ST14: variants seen among roughly 807,000 people sequenced by gnomAD.
ST14 encodes ST14 transmembrane serine protease matriptase.
Under a neutral mutation model 96.5 loss-of-function variants are expected in ST14, and 40 were observed. The observed-to-expected ratio is 0.41, with a 90% CI of 0.32 to 0.54. ST14 has a LOEUF of 0.54. Among genes scored for constraint, ST14 ranks in the 20% least tolerant of loss-of-function variants. ST14 has a pLI of 0.17. For missense variants in ST14, 1,066 were observed against 1,188.9 expected (o/e 0.90, Z 1.52); for synonymous variants, 506 against 492.1 (o/e 1.03, Z -0.37).
chr11:130,207,381 T>G (rs1482909402), intron 16 of ST14, among the ~76,000 whole-genome samples: 1 of 152,128 alleles, frequency 6.6e-6, no homozygotes, highest in Non-Finnish European at 1.5e-5. Flanking sequence ...CGAAACCCCG[T>G]TTCCACTAAA....
chr11:130,208,913 T>G (rs895259173), intron 17 of ST14, among the ~76,000 whole-genome samples: 6 of 152,196 alleles, frequency 3.9e-5, no homozygotes, highest in Non-Finnish European at 7.3e-5. Context: ...CTGAGTGACC[T>G]TGAGCGAGTT....
At position 130,188,141 on chromosome 11, in the gene ST14, G is replaced by A; in HGVS notation, c.109G>A (p.Glu37Lys). The part of the protein sequence containing the change: ...EKVNGLEEGV[E>K]FLPVNNVKKV... ...AGTGAATGGCTTGGAGGAAGGCGTG[G>A]AGTTCCTGCCAGTCAACAACGTCAA... Residue 37 changes from glutamate to lysine, a missense_variant, in exon 2 of 19, where the codon GAG (glutamate) becomes AAG (lysine). Coordinates refer to ENST00000278742, the MANE Select transcript of ST14 (RefSeq NM_021978.4). The surrounding 1 kb of genome is among the most constrained non-coding windows in gnomAD (Gnocchi z 5.4). 1.2e-6 allele frequency: 2 copies of A among 1,614,210 alleles called. No individual in the cohort carries two copies. Among genetic ancestry groups the A allele is most frequent in the African/African-American group, 1.3e-5 (1 of 75,068 alleles).
chr11:130,173,123 C>T (rs1317599088), intron 1 of ST14, among the ~76,000 whole-genome samples: 1 of 152,126 alleles, frequency 6.6e-6, no homozygotes, highest in Non-Finnish European at 1.5e-5. Context: ...GGGTTAATAA[C>T]CACTTACGGC....
chr11:130,209,887 C>T lies in ST14; in HGVS notation c.*64C>T, dbSNP rs1463998639. The T allele has an allele frequency of 4.4e-6, 7 of 1,590,026 alleles. No individual in the cohort carries two copies. In the African/African-American group the frequency reaches 6.7e-5, roughly 15 times the overall value. ...CCCATCGTCCACCCCAGTGTGCACG[C>T]CTGCAGGCTGGAGACTGGACCGCTG... On this transcript the variant is annotated 3_prime_UTR_variant, in exon 19 of 19. Coordinates refer to ENST00000278742, the MANE Select transcript of ST14 (RefSeq NM_021978.4).
intron 1 of ST14, among the ~76,000 whole-genome samples, chr11:130,178,118 T>G (rs920339704): frequency 6.6e-6 from 1 of 152,214 alleles, no homozygotes; most frequent in Non-Finnish European, 1.5e-5. Context: ...ATAATATTCT[T>G]AACCAATATA....
At chr11:130,186,503 A>G (rs73034645) in intron 1 of ST14, among the ~76,000 whole-genome samples, 253 of 152,358 alleles carry the variant, frequency 1.7e-3, no homozygotes, top group Non-Finnish European at 2.6e-3. Context: ...CAGATGTTAC[A>G]TGTAGAAGAT....
chr11:130,209,380 G>T, intron 17 of ST14, 62 bp from the exon 18 acceptor site: 5 of 1,548,926 alleles, frequency 3.2e-6, no homozygotes, highest in Non-Finnish European at 3.5e-6. Flanking sequence ...CGTGGGGAGC[G>T]TCTCGAATGA....
chr11:130,200,734 G>C (rs1419980852), intron 16 of ST14, among the ~76,000 whole-genome samples: 1 of 152,206 alleles, frequency 6.6e-6, no homozygotes, highest in African/African-American at 2.4e-5. Context: ...TGCTGTCTCT[G>C]TGCCTCTCCT....
intron 1 of ST14, among the ~76,000 whole-genome samples, chr11:130,162,080 C>T (rs1565615936): frequency 6.6e-6 from 1 of 152,190 alleles, no homozygotes; most frequent in Non-Finnish European, 1.5e-5. Context: ...GGTTTATTAT[C>T]TGGGTCAGCA....
chr11:130,198,005 A>G (rs1953386727), intron 12 of ST14, 60 bp downstream of exon 12: 2 of 1,488,858 alleles, frequency 1.3e-6, no homozygotes, highest in South Asian at 1.2e-5. Flanking sequence ...CCCGCGTCCC[A>G]TGGCCCTGCT....
chr11:130,166,189 C>T (rs955221807), intron 1 of ST14, among the ~76,000 whole-genome samples: 17 of 152,208 alleles, frequency 1.1e-4, no homozygotes, highest in African/African-American at 2.7e-4. Context: ...AAAATTATGG[C>T]GGAAGTTTTA....
chr11:130,160,099 C>A, intron 1 of ST14, 39 bp downstream of exon 1: 1 of 1,352,256 alleles, frequency 7.4e-7, no homozygotes, highest in Non-Finnish European at 9.7e-7. Context: ...TGGGAAGCTC[C>A]TGCCCGCCCG....
Position 130,191,689 on chromosome 11 carries a change from C to CAA in ST14, c.875+1015_875+1016dup, listed in dbSNP as rs4054265. On this transcript the variant is annotated intron_variant, in intron 7 of 18. Coordinates refer to ENST00000278742, the MANE Select transcript of ST14 (RefSeq NM_021978.4). Reference sequence around the variant, plus strand: ...TGGGCAACAGAGCGAGACTCTGTCTCAAAAAAAAAAAAAAAAAAAAAGAGC... The same window carrying CAA: ...TGGGCAACAGAGCGAGACTCTGTCTCAAAAAAAAAAAAAAAAAAAAAAAGAGC... Among the ~76,000 whole-genome samples, 899 of 108,856 alleles carry CAA rather than the reference C, an allele frequency of 8.3e-3. 14 individuals carry two copies. Among genetic ancestry groups the CAA allele is most frequent in the African/African-American group, 0.03 (811 of 27,460 alleles). 71.4% of individuals were successfully genotyped at this position (108,856 alleles called of 152,430 possible). A position where few individuals can be genotyped will look rare whatever the true frequency, so the allele number is the denominator to read the frequency against.
intron 1 of ST14, among the ~76,000 whole-genome samples, chr11:130,175,789 G>A (rs960460028): frequency 4.0e-5 from 6 of 151,894 alleles, no homozygotes; most frequent in African/African-American, 1.2e-4. Context: ...TCAGCCTCCC[G>A]AGTAGCTGGG....
intron 1 of ST14, among the ~76,000 whole-genome samples, chr11:130,176,019 A>G (rs1953134275): frequency 6.6e-6 from 1 of 152,132 alleles, no homozygotes; most frequent in Admixed American, 6.6e-5. Context: ...ATAGCTCATG[A>G]CAGTTTCCTG....
intron 11 of ST14, among the ~76,000 whole-genome samples, chr11:130,196,976 C>CT (rs148103053): frequency 1.3e-5 from 2 of 151,672 alleles, no homozygotes; most frequent in Non-Finnish European, 2.9e-5. Context: ...TGAGCTTCCC[C>CT]GGCCATCTGT....
At chr11:130,209,179 C>T (rs1377597405) in intron 17 of ST14, among the ~76,000 whole-genome samples, 1 of 152,192 alleles carries the variant, frequency 6.6e-6, no homozygotes, top group African/African-American at 2.4e-5. Flanking sequence ...TTCCCTCCGC[C>T]TCTCTGCTTC....
At chr11:130,189,456 G>A (rs1014501864) in intron 4 of ST14, 29 of 535,886 alleles carry the variant, frequency 5.4e-5, no homozygotes, top group Middle Eastern at 5.0e-4. Flanking sequence ...GTGTGTCCTC[G>A]CTTGTGGCCA....
chr11:130,206,723 A>G (rs1953493576), intron 16 of ST14, among the ~76,000 whole-genome samples: 1 of 151,862 alleles, frequency 6.6e-6, no homozygotes, highest in Non-Finnish European at 1.5e-5. Flanking sequence ...ACCGGCCACC[A>G]CACCTGGCTA....
Sources: gnomAD v4.1 joint callset for allele counts (sites outside exome capture counted in the v4.1 genomes callset) on GRCh38, gnomAD v4.1.1 for gene constraint, Gnocchi (gnomAD v3.1) non-coding constraint, MANE v1.5 for transcripts, NCBI Gene and HGNC (gene_info 2026-07-23, HGNC 2026-07-21) for gene names.